The following RORA variants were observed in gnomAD, a reference collection of about 807,000 sequenced individuals.
RORA encodes RAR related orphan receptor A.
In RORA, 7 loss-of-function variants were observed where a neutral mutation model predicts 69.5. The observed-to-expected ratio is 0.10, with a 90% CI of 0.06 to 0.19. The LOEUF (loss-of-function observed/expected upper bound fraction) is 0.19, where lower values mean the gene tolerates loss of function less well. Among genes scored for constraint, RORA ranks in the 10% least tolerant of loss-of-function variants. RORA has a pLI of 1.00. For missense variants in RORA, 457 were observed against 663.0 expected (o/e 0.69, Z 3.41); for synonymous variants, 261 against 240.8 (o/e 1.08, Z -0.78).
intron 2 of RORA, among the ~76,000 whole-genome samples, chr15:60,595,877 G>A (rs2068655391): frequency 6.6e-6 from 1 of 152,090 alleles, no homozygotes; most frequent in African/African-American, 2.4e-5. Context: ...TCCCAGGATG[G>A]TCACAGCCCC....
intron 2 of RORA, chr15:60,592,718 C>A (rs1251342708): frequency 1.3e-5 from 14 of 1,048,832 alleles, no homozygotes; most frequent in East Asian, 9.7e-5. Context: ...GTAGCAGCGG[C>A]GGCTCTGCTG....
chr15:61,223,256 C>T (rs567002383), intron 1 of RORA, among the ~76,000 whole-genome samples: 1 of 137,070 alleles, frequency 7.3e-6, no homozygotes, highest in African/African-American at 2.7e-5. Flanking sequence ...AGAGGTTGTA[C>T]TGAGCTGAGA....
chr15:60,529,366 A>G (rs528496318), intron 3 of RORA: 29 of 133,578 alleles, frequency 2.2e-4, no homozygotes, highest in African/African-American at 1.1e-3. Context: ...TTTGACTTCT[A>G]TTTTTATAAC....
At chr15:60,710,232 T>C (rs951694651) in intron 1 of RORA, among the ~76,000 whole-genome samples, 6 of 152,194 alleles carry the variant, frequency 3.9e-5, no homozygotes, top group African/African-American at 1.4e-4. Flanking sequence ...CTCACGCTTG[T>C]AATTCCAGCA....
At chr15:61,037,543 G>A (rs7162388) in intron 1 of RORA, among the ~76,000 whole-genome samples, 12,825 of 152,192 alleles carry the variant, frequency 0.084, 774 homozygotes, top group African/African-American at 0.17. Flanking sequence ...CAGCAAGCAC[G>A]CACTCTGCTG....
At chr15:60,754,251 C>T (rs1234571973) in intron 1 of RORA, among the ~76,000 whole-genome samples, 1 of 152,170 alleles carries the variant, frequency 6.6e-6, no homozygotes, top group East Asian at 1.9e-4. Context: ...CACATTTTCC[C>T]ATCATCTTTT....
intron 2 of RORA, among the ~76,000 whole-genome samples, chr15:60,566,757 G>A (rs539087426): frequency 2.0e-5 from 3 of 152,266 alleles, no homozygotes; most frequent in African/African-American, 7.2e-5. Context: ...TGAAAGTTGC[G>A]ATGGGAGTGA....
At chr15:60,957,307 A>G (rs1459947379) in intron 1 of RORA, among the ~76,000 whole-genome samples, 2 of 152,226 alleles carry the variant, frequency 1.3e-5, no homozygotes, top group East Asian at 3.8e-4. Flanking sequence ...CAGAGAAAAG[A>G]CTAAAATCCT....
intron 1 of RORA, among the ~76,000 whole-genome samples, chr15:61,102,955 C>T (rs77387291): frequency 0.027 from 4,170 of 152,278 alleles, 86 homozygotes; most frequent in Middle Eastern, 0.058. Context: ...ATATGAATGT[C>T]TCTTAATTTT....
Position 60,826,766 on chromosome 15 carries a change from C to CCT in RORA, c.167-148082_167-148081dup, listed in dbSNP as rs572975247. The stretch of plus-strand genomic sequence containing the variant: ...CTCTCTCTCTCTCTCTCTCTCTCTC[C>CCT]CTCTCTCTCTCTCTCTCTCTCTCTT... On this transcript the variant is annotated intron_variant, in intron 1 of 10. Coordinates refer to ENST00000335670, the MANE Select transcript of RORA (RefSeq NM_134261.3). Among the ~76,000 whole-genome samples, 382 of 126,066 alleles carry CCT rather than the reference C, an allele frequency of 3.0e-3. 3 individuals carry two copies. The highest frequency in any genetic ancestry group is 0.014 in the African/African-American group (365 of 26,968). The allele number at this position is 126,066 out of a possible 152,430, so 82.7% of individuals were successfully genotyped here. A position where few individuals can be genotyped will look rare whatever the true frequency, so the allele number is the denominator to read the frequency against.
Position 61,103,294 on chromosome 15 carries a change from T to C in RORA, c.166+125759A>G, listed in dbSNP as rs59932459. ...GGCAGGCAGGAGGGAGCCTTCACCATGACTGCATGGGTAACCAGTCCCCAG... is the reference window on the plus strand; with the variant it reads ...GGCAGGCAGGAGGGAGCCTTCACCACGACTGCATGGGTAACCAGTCCCCAG... On this transcript the variant is annotated intron_variant, in intron 1 of 10. Coordinates refer to ENST00000335670, the MANE Select transcript of RORA (RefSeq NM_134261.3). Among the ~76,000 whole-genome samples the C allele has an allele frequency of 8.7e-3, 1,325 of 152,294 alleles. 19 individuals are homozygous for C. Among genetic ancestry groups the C allele is most frequent in the East Asian group, 0.053 (274 of 5,172 alleles).
intron 1 of RORA, among the ~76,000 whole-genome samples, chr15:60,707,295 A>G (rs992190226): frequency 5.3e-5 from 8 of 151,998 alleles, no homozygotes; most frequent in Non-Finnish European, 1.2e-4. Flanking sequence ...ACAAGTACGA[A>G]TATTTCCCTT....
intron 1 of RORA, among the ~76,000 whole-genome samples, chr15:61,110,907 C>T (rs1188055184): frequency 6.6e-6 from 1 of 152,222 alleles, no homozygotes. Flanking sequence ...CGCTCCTGGA[C>T]TTGTGCAATA....
intron 2 of RORA, among the ~76,000 whole-genome samples, chr15:60,573,504 T>A (rs2067941706): frequency 6.6e-6 from 1 of 152,236 alleles, no homozygotes; most frequent in African/African-American, 2.4e-5. Context: ...TGTTTCTTCA[T>A]GTGCCTTAAA....
chr15:60,687,236 A>C (rs1047253921), intron 1 of RORA, among the ~76,000 whole-genome samples: 10 of 152,206 alleles, frequency 6.6e-5, no homozygotes, highest in African/African-American at 2.4e-4. Context: ...GTATTAAACA[A>C]ATATTTAAAA....
At chr15:61,227,239 A>C (rs1359444477) in intron 1 of RORA, among the ~76,000 whole-genome samples, 1 of 148,970 alleles carries the variant, frequency 6.7e-6, no homozygotes, top group Non-Finnish European at 1.5e-5. Flanking sequence ...CCAGAAACAC[A>C]TGAAGGGGAT....
At chr15:61,048,943 C>T (rs1024748381) in intron 1 of RORA, among the ~76,000 whole-genome samples, 5 of 152,144 alleles carry the variant, frequency 3.3e-5, no homozygotes, top group African/African-American at 9.7e-5. Flanking sequence ...TTTGGTTTTC[C>T]GCTATGCCTT....
chr15:61,000,723 C>T (rs1894718708), intron 1 of RORA, among the ~76,000 whole-genome samples: 2 of 152,240 alleles, frequency 1.3e-5, no homozygotes, highest in Admixed American at 6.5e-5. Flanking sequence ...ATGACTGACC[C>T]TTATAAGAGG....
chr15:60,569,681 G>A (rs1034594553), intron 2 of RORA, among the ~76,000 whole-genome samples: 6 of 152,142 alleles, frequency 3.9e-5, no homozygotes, highest in Admixed American at 3.3e-4. Context: ...TTACAGTAAC[G>A]ACAGCTCAAA....
Sources: gnomAD v4.1 joint callset for allele counts (sites outside exome capture counted in the v4.1 genomes callset) on GRCh38, gnomAD v4.1.1 for gene constraint, MANE v1.5 for transcripts, NCBI Gene and HGNC (gene_info 2026-07-23, HGNC 2026-07-21) for gene names.